The following CNOT2 variants were observed in gnomAD, a reference collection of about 807,000 sequenced individuals.
CNOT2 encodes the protein CC chemokine receptor 4-negative regulator of transcription 2.
A neutral mutation model predicts 72.1 loss-of-function variants in CNOT2; 7 were observed. The observed-to-expected ratio is 0.10, with a 90% confidence interval of 0.06 to 0.18. The LOEUF is 0.18. Among genes scored for constraint, CNOT2 ranks in the 10% least tolerant of loss-of-function variants. The pLI is 1.00. For missense variants in CNOT2, 345 were observed against 660.3 expected, an observed-to-expected ratio of 0.52 and a Z score of 5.23; for synonymous variants, 196 against 225.6, an observed-to-expected ratio of 0.87 and a Z score of 1.17.
intron 13 of CNOT2, among the ~76,000 whole-genome samples, chr12:70,343,684 A>G (rs1193978125): frequency 6.6e-6 from 1 of 152,162 alleles, no homozygotes; most frequent in Non-Finnish European, 1.5e-5. Context: ...AGTAACCCTC[A>G]TAGGTGTCAT....
At chr12:70,332,125 T>C (rs1394209534) in intron 6 of CNOT2, among the ~76,000 whole-genome samples, 3 of 151,812 alleles carry the variant, frequency 2.0e-5, no homozygotes, top group Non-Finnish European at 3.0e-5. Flanking sequence ...TATATTTAGA[T>C]AAGAATGATG....
chr12:70,268,579 T>TG (rs1184474603), intron 1 of CNOT2, among the ~76,000 whole-genome samples: 1 of 152,098 alleles, frequency 6.6e-6, no homozygotes, highest in Non-Finnish European at 1.5e-5. Context: ...CCCAAGTAGT[T>TG]GGGACTACAG....
intron 2 of CNOT2, among the ~76,000 whole-genome samples, chr12:70,291,139 A>G (rs1225050536): frequency 6.6e-6 from 1 of 152,176 alleles, no homozygotes; most frequent in African/African-American, 2.4e-5. Context: ...ATTCCCTAGA[A>G]TCCAGTAGGC....
intron 15 of CNOT2, among the ~76,000 whole-genome samples, chr12:70,352,991 A>G (rs1308867328): frequency 3.3e-5 from 5 of 151,944 alleles, no homozygotes; most frequent in African/African-American, 1.2e-4. Context: ...TGGGTTTGTG[A>G]AATGCAAGTC....
chr12:70,275,484 G>A (rs12321673), intron 1 of CNOT2, among the ~76,000 whole-genome samples: 2,049 of 152,066 alleles, frequency 0.013, 45 homozygotes, highest in African/African-American at 0.046. Context: ...GGTGTACTAC[G>A]TTTGTTCTTT....
chr12:70,302,803 GT>G, intron 2 of CNOT2, among the ~76,000 whole-genome samples: 1 of 116,442 alleles, frequency 8.6e-6, no homozygotes, highest in East Asian at 2.5e-4. Flanking sequence ...TCTGTCTAAT[GT>G]TGACAGTGGG....
chr12:70,255,087 A>G (rs538710555), intron 1 of CNOT2, among the ~76,000 whole-genome samples: 16 of 152,042 alleles, frequency 1.1e-4, no homozygotes, highest in African/African-American at 3.1e-4. Flanking sequence ...AGATTCTGCT[A>G]TGTTCATCGG....
At chr12:70,252,599 G>C (rs1958195753) in intron 1 of CNOT2, among the ~76,000 whole-genome samples, 1 of 152,144 alleles carries the variant, frequency 6.6e-6, no homozygotes, top group Non-Finnish European at 1.5e-5. Flanking sequence ...GAGTAAAATG[G>C]AGCTGATCTA....
chr12:70,304,993 G>C (rs1177766851), intron 2 of CNOT2, among the ~76,000 whole-genome samples: 1 of 152,180 alleles, frequency 6.6e-6, no homozygotes, highest in Non-Finnish European at 1.5e-5. Context: ...ATATAATCTG[G>C]TGTGCCTTTT....
At chr12:70,281,002 ACTAAC>A (rs1473159760) in intron 2 of CNOT2, among the ~76,000 whole-genome samples, 2 of 151,816 alleles carry the variant, frequency 1.3e-5, no homozygotes, top group African/African-American at 4.8e-5. Flanking sequence ...TCTAATTTAG[ACTAAC>A]TTACCCTAGC....
chr12:70,288,761 G>A (rs1344095702), intron 2 of CNOT2, among the ~76,000 whole-genome samples: 1 of 152,168 alleles, frequency 6.6e-6, no homozygotes, highest in Non-Finnish European at 1.5e-5. Context: ...TGGGTTCTTA[G>A]TTGTACTACC....
chr12:70,257,354 C>CCTT (rs1958507396), intron 1 of CNOT2, among the ~76,000 whole-genome samples: 4 of 128,574 alleles, frequency 3.1e-5, no homozygotes, highest in Admixed American at 1.9e-4. Context: ...CAACTACCCC[C>CCTT]TTTTTTTTTT....
At chr12:70,292,972 A>G (rs1231139523) in intron 2 of CNOT2, among the ~76,000 whole-genome samples, 1 of 152,212 alleles carries the variant, frequency 6.6e-6, no homozygotes, top group African/African-American at 2.4e-5. Flanking sequence ...TATTTTTAAA[A>G]TGTAAAGGTT....
At chr12:70,339,141 T>A (rs932249152) in intron 11 of CNOT2, among the ~76,000 whole-genome samples, 1 of 150,838 alleles carries the variant, frequency 6.6e-6, no homozygotes, top group Non-Finnish European at 1.5e-5. Context: ...TCTCAGCTCC[T>A]TGAATTTCTT....
intron 2 of CNOT2, chr12:70,278,491 A>G (rs1869248413): frequency 2.3e-6 from 1 of 441,660 alleles, no homozygotes; most frequent in Non-Finnish European, 4.0e-6. Flanking sequence ...TTTAGTGTCA[A>G]ATCAGGTTTT....
intron 11 of CNOT2, 51 bp from the exon 12 acceptor site, chr12:70,342,056 A>G (rs141124311): frequency 1.0e-5 from 11 of 1,094,394 alleles, no homozygotes; most frequent in African/African-American, 3.1e-5. Context: ...AAATAAAATT[A>G]GAAATCTCTT....
intron 2 of CNOT2, among the ~76,000 whole-genome samples, chr12:70,291,698 G>A (rs576142281): frequency 6.6e-6 from 1 of 152,234 alleles, no homozygotes; most frequent in Admixed American, 6.5e-5. Context: ...AGCACTTTGG[G>A]AGGCTGAGGC....
At chr12:70,268,136 C>T (rs1359826923) in intron 1 of CNOT2, among the ~76,000 whole-genome samples, 1 of 152,166 alleles carries the variant, frequency 6.6e-6, no homozygotes, top group Non-Finnish European at 1.5e-5. Context: ...ATCTTCCTTT[C>T]TTTATAGCAG....
At chr12:70,320,069 A>C (rs1878034761) in intron 4 of CNOT2, among the ~76,000 whole-genome samples, 1 of 151,712 alleles carries the variant, frequency 6.6e-6, no homozygotes, top group Non-Finnish European at 1.5e-5. Flanking sequence ...CCAAATTGTT[A>C]AATATTAGTA....
Sources: gnomAD v4.1 joint callset for allele counts (sites outside exome capture counted in the v4.1 genomes callset) on GRCh38, gnomAD v4.1.1 for gene constraint, MANE v1.5 for transcripts, NCBI Gene and HGNC (gene_info 2026-07-23, HGNC 2026-07-21) for gene names.